The following GLB1L3 variants were observed in gnomAD, a reference collection of about 807,000 sequenced individuals.
GLB1L3 encodes galactosidase beta 1 like 3, also known as beta-galactosidase-1-like protein 3.
Under a neutral mutation model 89.5 loss-of-function variants are expected in GLB1L3, and 89 were observed. The ratio of observed to expected loss-of-function variants is 0.99; its 90% CI spans 0.84 to 1.19. The LOEUF is 1.19. Among genes scored for constraint, GLB1L3 ranks in the 50% most tolerant of loss-of-function variants. The pLI is 0.00. For synonymous variants in GLB1L3, 314 were observed against 312.3 expected (o/e 1.01, Z -0.06); for missense variants, 812 against 813.3 (o/e 1.00, Z 0.02).
downstream of GLB1L3, among the ~76,000 whole-genome samples, chr11:134,324,229 A>G (rs1055257008): frequency 5.9e-5 from 9 of 152,232 alleles, no homozygotes; most frequent in African/African-American, 1.2e-4. Flanking sequence ...GGCAACTTCT[A>G]TTTGTTTCTG....
intron 10 of GLB1L3, among the ~76,000 whole-genome samples, chr11:134,307,907 C>T (rs1942274042): frequency 6.6e-6 from 1 of 152,066 alleles, no homozygotes; most frequent in African/African-American, 2.4e-5. Context: ...TTTGTGTCTA[C>T]AGAAGATATT....
intron 9 of GLB1L3, among the ~76,000 whole-genome samples, chr11:134,299,309 G>C (rs1016113778): frequency 2.0e-5 from 3 of 151,926 alleles, no homozygotes; most frequent in Non-Finnish European, 4.4e-5. Flanking sequence ...ATCTGTTTCT[G>C]ATGATTGCTT....
intron 1 of GLB1L3, 39 bp downstream of exon 1, chr11:134,276,802 C>G (rs753251266): frequency 5.9e-5 from 81 of 1,375,700 alleles, no homozygotes; most frequent in Admixed American, 8.9e-5. Flanking sequence ...TGCCCACCAC[C>G]CCGGCGCGTG....
chr11:134,284,103 A>G (rs894165180), intron 6 of GLB1L3, among the ~76,000 whole-genome samples: 1 of 152,142 alleles, frequency 6.6e-6, no homozygotes, highest in African/African-American at 2.4e-5. Context: ...TGAACTTACT[A>G]TTCCTCAAGC....
intron 10 of GLB1L3, among the ~76,000 whole-genome samples, chr11:134,308,262 C>CCACCACCAT: frequency 3.2e-5 from 1 of 31,260 alleles, no homozygotes; most frequent in Non-Finnish European, 6.3e-5. Context: ...ATCACCACCA[C>CCACCACCAT]CACCACCACC....
At chr11:134,310,293 G>A (rs889980320) in intron 11 of GLB1L3, 2 of 472,408 alleles carry the variant, frequency 4.2e-6, no homozygotes, top group Non-Finnish European at 7.6e-6. Flanking sequence ...ATCCTGGGCC[G>A]CCTGTAGCCC....
chr11:134,322,541 A>G (rs1310932146), downstream of GLB1L3, among the ~76,000 whole-genome samples: 1 of 152,168 alleles, frequency 6.6e-6, no homozygotes, highest in Non-Finnish European at 1.5e-5. Flanking sequence ...ATCACTCCAG[A>G]TAGCAGCCCT....
chr11:134,284,920 T>C (rs1460687685), intron 6 of GLB1L3, among the ~76,000 whole-genome samples: 1 of 136,620 alleles, frequency 7.3e-6, no homozygotes, highest in East Asian at 2.1e-4. Context: ...GTGCCATGCA[T>C]TGCCTTTTTT....
chr11:134,283,992 G>A, intron 6 of GLB1L3, 147 bp downstream of exon 6: 1 of 624,774 alleles, frequency 1.6e-6, no homozygotes, highest in Non-Finnish European at 2.9e-6. Context: ...CCCTTGGCTT[G>A]AGGACAGAAG....
intron 9 of GLB1L3, chr11:134,305,213 T>C: frequency 1.1e-6 from 1 of 950,658 alleles, no homozygotes; most frequent in South Asian, 1.4e-5. Flanking sequence ...AATTTTGTCC[T>C]TCTAAGCTTC....
At chr11:134,283,626 G>A (rs1180393083) in intron 5 of GLB1L3, 111 bp from the exon 6 acceptor site, 3 of 619,210 alleles carry the variant, frequency 4.8e-6, no homozygotes. Context: ...CCGGGACCGG[G>A]GGTGTGAGGC....
At chr11:134,290,415 A>G (rs1365411236) in intron 7 of GLB1L3, among the ~76,000 whole-genome samples, 1 of 151,970 alleles carries the variant, frequency 6.6e-6, no homozygotes, top group Non-Finnish European at 1.5e-5. Context: ...TCTACTACAA[A>G]TACAAAAATT....
At chr11:134,300,819 CT>C (rs1182258496) in intron 9 of GLB1L3, among the ~76,000 whole-genome samples, 2 of 152,208 alleles carry the variant, frequency 1.3e-5, no homozygotes, top group African/African-American at 4.8e-5. Flanking sequence ...AAGACCCACA[CT>C]AACAGCCTCA....
intron 9 of GLB1L3, among the ~76,000 whole-genome samples, chr11:134,294,704 C>G (rs2136155650): frequency 6.6e-6 from 1 of 152,334 alleles, no homozygotes; most frequent in East Asian, 1.9e-4. Context: ...TTTACCTTTT[C>G]TAGACGTTTC....
Position 134,310,598 on chromosome 11 carries a change from G to A in GLB1L3, c.1127G>A (p.Gly376Glu). ...TATGATGCAGTGCTCACGGAGGCTG[G>A]AGATTACACAGAAAAATATCTGAAG... is the stretch of plus-strand genomic sequence containing the variant. ...YDYDAVLTEA[G>E]DYTEKYLKLQ... The change falls in exon 12 of 20, where the codon GGA becomes GAA. Residue 376 changes from glycine to glutamate, a missense_variant. Physicochemically the swap from Gly to Glu is moderately conservative, Grantham distance 98 (BLOSUM62 -2). This residue lies in a region of GLB1L3 where 618 missense variants were observed against 604.0 expected (regional missense o/e 1.02). Transcript: ENST00000431683. 1 of 1,613,446 alleles carries A rather than the reference G, an allele frequency of 6.2e-7. No homozygotes were observed. The highest frequency in any genetic ancestry group is 8.5e-7 in the Non-Finnish European group (1 of 1,179,652).
intron 9 of GLB1L3, among the ~76,000 whole-genome samples, chr11:134,304,719 T>G (rs1003287441): frequency 8.5e-5 from 13 of 152,216 alleles, no homozygotes; most frequent in African/African-American, 3.1e-4. Flanking sequence ...CTTTTAGTTC[T>G]CTTTTTATGC....
In GLB1L3 at chr11:134,277,681, C is replaced by A; in HGVS notation, c.150-19C>A. 6.3e-7 allele frequency: 1 copy of A among 1,589,656 alleles called. No homozygotes were observed. Among genetic ancestry groups the A allele is most frequent in the South Asian group, 1.1e-5 (1 of 88,068 alleles). Reference sequence around the variant, plus strand: ...CCTCTCTCCCTTTCCACTTTCTTTCCCTCGCCCGCCCCCTCCAGGTTTAAT... The same window carrying A: ...CCTCTCTCCCTTTCCACTTTCTTTCACTCGCCCGCCCCCTCCAGGTTTAAT... On this transcript the variant is annotated intron_variant, in intron 2 of 19. Transcript: ENST00000431683.
At position 134,312,367 on chromosome 11, in the gene GLB1L3, C is replaced by G. The variant is rs1377306241; in HGVS notation, c.1306C>G (p.Pro436Ala). 1.1e-5 allele frequency: 18 copies of G among 1,613,554 alleles called. No homozygotes were observed. Among genetic ancestry groups the G allele is most frequent in the Non-Finnish European group, 1.5e-5 (18 of 1,179,852 alleles). The change falls in exon 14 of 20, where the codon CCC becomes GCC. Residue 436 changes from proline (P) to alanine (A), a missense_variant. Pro to Ala is a conservative substitution (Grantham distance 27, BLOSUM62 -1). This residue lies in a region of GLB1L3 where 618 missense variants were observed against 604.0 expected (regional missense o/e 1.02). Transcript: ENST00000431683. ...YLNEPVRSRQ[P>A]VNMENLPINN... ...CTCATAGCCAGTCAGGTCGCGTCAG[C>G]CCGTCAACATGGAGAACCTTCCCAT... is the stretch of plus-strand genomic sequence containing the variant.
chr11:134,308,355 AC>A (rs1850770643), intron 10 of GLB1L3, among the ~76,000 whole-genome samples: 8 of 36,906 alleles, frequency 2.2e-4, no homozygotes, highest in Admixed American at 2.0e-4. Context: ...CACCATCACC[AC>A]TACCACCACC....
Sources: allele counts gnomAD v4.1 joint callset (sites outside exome capture counted in the v4.1 genomes callset), GRCh38; gene constraint gnomAD v4.1.1; regional missense constraint gnomAD v4.1.1; transcripts MANE v1.5; gene names NCBI Gene and HGNC (gene_info 2026-07-23, HGNC 2026-07-21).